The following SPON1 variants were observed in gnomAD, a reference collection of about 807,000 sequenced individuals.
SPON1 encodes spondin 1.
Under a neutral mutation model 111.7 loss-of-function variants are expected in SPON1, and 52 were observed. The observed-to-expected ratio is 0.47, with a 90% CI of 0.37 to 0.59. SPON1 has a LOEUF of 0.59. Among genes scored for constraint, SPON1 ranks in the 20% least tolerant of loss-of-function variants. The pLI, the probability that SPON1 is intolerant of heterozygous loss-of-function variation, is 0.00. For synonymous variants in SPON1, 410 were observed against 395.8 expected (o/e 1.04, Z -0.43); for missense variants, 957 against 1,068.5 (o/e 0.90, Z 1.46).
At position 14,262,770 on chromosome 11, in the gene SPON1, G is replaced by A. The variant is rs782500354; in HGVS notation, c.2055G>A (p.Gly685=). The change falls in exon 15 of 16, where the codon GGG becomes GGA. Residue 685 remains glycine (G), a synonymous_variant. Transcript: ENST00000576479. ...SQWSECNKSC[G]KGHVIRTRMI... ...GGTCGGAATGTAACAAGTCATGTGG[G>A]AAAGGCCACGTGATTCGAACCCGGA... The A allele has an allele frequency of 6.2e-7, 1 of 1,613,964 alleles. No individual in the cohort carries two copies. Among genetic ancestry groups the A allele is most frequent in the Non-Finnish European group, 8.5e-7 (1 of 1,179,880 alleles).
intron 6 of SPON1, among the ~76,000 whole-genome samples, chr11:14,220,459 T>A (rs1210771319): frequency 6.6e-6 from 1 of 152,230 alleles, no homozygotes; most frequent in South Asian, 2.1e-4. Flanking sequence ...AAGGTGACAT[T>A]GTTAGGCTGT....
At chr11:14,052,161 G>A (rs1848712412) in intron 3 of SPON1, among the ~76,000 whole-genome samples, 2 of 152,176 alleles carry the variant, frequency 1.3e-5, no homozygotes, top group South Asian at 4.1e-4. Context: ...CCCAAGTGAG[G>A]AAACTAAATG....
chr11:14,187,821 C>T (rs1304653122), intron 6 of SPON1, among the ~76,000 whole-genome samples: 14 of 151,458 alleles, frequency 9.2e-5, no homozygotes, highest in African/African-American at 3.4e-4. Flanking sequence ...CTCTTGTTGC[C>T]CAGGCCTGGA....
chr11:14,222,053 T>C (rs1848686380), intron 6 of SPON1, among the ~76,000 whole-genome samples: 1 of 152,208 alleles, frequency 6.6e-6, no homozygotes. Context: ...AGATATTTTA[T>C]CATCCTATGA....
At chr11:14,090,832 C>T in intron 5 of SPON1, among the ~76,000 whole-genome samples, 1 of 14,462 alleles carries the variant, frequency 6.9e-5, no homozygotes, top group East Asian at 2.9e-3. Flanking sequence ...TGGCCCCCCC[C>T]CCCCCCCCCC....
At chr11:13,986,887 A>G (rs948237303) in intron 2 of SPON1, among the ~76,000 whole-genome samples, 3 of 152,200 alleles carry the variant, frequency 2.0e-5, no homozygotes, top group Non-Finnish European at 4.4e-5. Context: ...TGCAAAGGAC[A>G]TGAACTCATC....
At chr11:14,112,757 C>A (rs1362092956) in intron 5 of SPON1, among the ~76,000 whole-genome samples, 11 of 152,196 alleles carry the variant, frequency 7.2e-5, no homozygotes, top group Non-Finnish European at 1.2e-4. Context: ...TATAAAATGG[C>A]CTTTTTCCCC....
At chr11:13,991,680 C>CT (rs1381150540) in intron 2 of SPON1, among the ~76,000 whole-genome samples, 17 of 152,182 alleles carry the variant, frequency 1.1e-4, no homozygotes, top group African/African-American at 3.6e-4. Context: ...AATTTTCAAA[C>CT]TTTTTTTGCT....
chr11:13,992,150 C>T (rs1848236006), intron 2 of SPON1, among the ~76,000 whole-genome samples: 1 of 152,214 alleles, frequency 6.6e-6, no homozygotes, highest in Non-Finnish European at 1.5e-5. Context: ...TCTGCTGAAG[C>T]TGCAACCATA....
intron 7 of SPON1, among the ~76,000 whole-genome samples, chr11:14,248,253 G>A (rs1849013343): frequency 6.6e-6 from 1 of 152,204 alleles, no homozygotes; most frequent in South Asian, 2.1e-4. Context: ...GAGCAGGTGA[G>A]CTGTGAACAG....
chr11:13,966,500 G>A (rs1209356547), intron 1 of SPON1, among the ~76,000 whole-genome samples: 10 of 152,196 alleles, frequency 6.6e-5, no homozygotes, highest in Non-Finnish European at 1.5e-4. Flanking sequence ...TCAGACTCTG[G>A]CTAATGAGAG....
At chr11:14,055,847 A>G (rs1848741205) in intron 3 of SPON1, among the ~76,000 whole-genome samples, 1 of 152,232 alleles carries the variant, frequency 6.6e-6, no homozygotes, top group Admixed American at 6.5e-5. Flanking sequence ...TCTTAGGCCC[A>G]CGAGCCCAAG....
At position 14,259,702 on chromosome 11, in the gene SPON1, G is replaced by C. The variant is rs112977335; in HGVS notation, c.1831+1G>C. 1.3e-6 allele frequency: 2 copies of C among 1,570,218 alleles called. No individual in the cohort carries two copies. Among genetic ancestry groups the C allele is most frequent in the Non-Finnish European group, 1.7e-6 (2 of 1,157,840 alleles). On this transcript the variant is annotated splice_donor_variant, in intron 13 of 15. Transcript: ENST00000576479. LOFTEE classifies it high-confidence loss of function. This position sits in a 1 kb window ranked among gnomAD's most constrained non-coding sequence, Gnocchi z 5.0. ...GAGAAGTGCATGATGCCAGAGTGCC[G>C]TGAGTGAGAGCGGGGGTGGACTTGG...
In SPON1 at chr11:14,025,019, A is replaced by C. The variant is rs142249274; in HGVS notation, c.346-16502A>C. Reference sequence around the variant, plus strand: ...AAGTGACTTGGGCAAAGCCACAGAGATAATGGCAGAGGCAGGGCTGGTAGC... The same window carrying C: ...AAGTGACTTGGGCAAAGCCACAGAGCTAATGGCAGAGGCAGGGCTGGTAGC... On this transcript the variant is annotated intron_variant, in intron 2 of 15. Coordinates refer to ENST00000576479, the MANE Select transcript of SPON1 (RefSeq NM_006108.4). 7.9e-4 allele frequency among the ~76,000 whole-genome samples: 120 copies of C among 152,364 alleles called. 1 individual carries two copies. Among genetic ancestry groups the C allele is most frequent in the African/African-American group, 2.7e-3 (112 of 41,590 alleles).
intron 6 of SPON1, among the ~76,000 whole-genome samples, chr11:14,224,344 C>T (rs1470035630): frequency 1.3e-5 from 2 of 152,022 alleles, no homozygotes; most frequent in African/African-American, 4.8e-5. Flanking sequence ...GTCAGGAAAG[C>T]CTTGAACTGC....
At chr11:14,214,939 C>A (rs1418436655) in intron 6 of SPON1, among the ~76,000 whole-genome samples, 1 of 152,186 alleles carries the variant, frequency 6.6e-6, no homozygotes, top group Non-Finnish European at 1.5e-5. Context: ...TTTACTATTT[C>A]ATTAAGTGAA....
intron 6 of SPON1, among the ~76,000 whole-genome samples, chr11:14,150,250 C>T (rs1391117659): frequency 6.6e-6 from 1 of 151,998 alleles, no homozygotes; most frequent in African/African-American, 2.4e-5. Context: ...TGCTCTCACT[C>T]ATATGTGGGA....
At chr11:14,015,996 G>T (rs1528669) in intron 2 of SPON1, among the ~76,000 whole-genome samples, 45,231 of 152,124 alleles carry the variant, frequency 0.3, 7,938 homozygotes, top group South Asian at 0.5. Context: ...GCAGATGGCC[G>T]CAGAGGGCAG....
In SPON1 at chr11:14,259,410, C is replaced by T. The variant is rs782006334; in HGVS notation, c.1623C>T (p.Pro541=). 1.9e-6 allele frequency: 3 copies of T among 1,610,894 alleles called. No homozygotes were observed. The highest frequency in any genetic ancestry group is 1.7e-5 in the Admixed American group (1 of 59,654). ...FPEDGSVCTL[P]TEETEKCTVN... ...AGGACGGCTCCGTGTGCACGCTGCC[C>T]ACTGAGGAAACGGAGAAGTGCACGG... The change falls in exon 12 of 16, where the codon CCC becomes CCT. Residue 541 remains proline (P), a synonymous_variant. Transcript: ENST00000576479. This position sits in a 1 kb window ranked among gnomAD's most constrained non-coding sequence, Gnocchi z 5.0.
Sources: allele counts gnomAD v4.1 joint callset (sites outside exome capture counted in the v4.1 genomes callset), GRCh38; gene constraint gnomAD v4.1.1; non-coding constraint Gnocchi (gnomAD v3.1); transcripts MANE v1.5; gene names NCBI Gene and HGNC (gene_info 2026-07-23, HGNC 2026-07-21).